The following PPM1H variants were observed in gnomAD, a reference collection of about 807,000 sequenced individuals.
PPM1H encodes the protein protein phosphatase 1H.
In PPM1H, 27 loss-of-function variants were observed where a neutral mutation model predicts 54.9. The ratio of observed to expected loss-of-function variants is 0.49; its 90% CI spans 0.36 to 0.68. PPM1H has a LOEUF of 0.68. Ranked by LOEUF, PPM1H falls within the 30% of genes least tolerant of loss-of-function variation. The probability of loss-of-function intolerance (pLI) is 0.00; values close to 1 mark genes in which losing one functional copy is unlikely to be tolerated. For synonymous variants in PPM1H, 305 were observed against 270.8 expected (o/e 1.13, Z -1.24); for missense variants, 596 against 667.8 (o/e 0.89, Z 1.19).
chr12:62,773,827 G>A (rs1188513888), intron 4 of PPM1H, among the ~76,000 whole-genome samples: 3 of 152,148 alleles, frequency 2.0e-5, no homozygotes, highest in Non-Finnish European at 2.9e-5. Flanking sequence ...CTTAGATTTC[G>A]GGAAACTGCT....
rs1592608310 is a variant in PPM1H, at chr12:62,804,897, G to A, written c.412-2737C>T. The stretch of plus-strand genomic sequence containing the variant: ...TCACCGTTTTAGCTGGGATGGTCTC[G>A]ATCTCCTGACCTCGTGATCCGCCCG... On this transcript the variant is annotated intron_variant, in intron 2 of 9. Coordinates refer to ENST00000228705, the MANE Select transcript of PPM1H (RefSeq NM_020700.2). Among the ~76,000 whole-genome samples, 10 of 151,652 alleles carry A rather than the reference G, an allele frequency of 6.6e-5. No individual in the cohort carries two copies. In the South Asian group the frequency reaches 2.1e-3, roughly 32 times the overall value.
chr12:62,919,144 C>T (rs1292971104), intron 1 of PPM1H, among the ~76,000 whole-genome samples: 5 of 152,144 alleles, frequency 3.3e-5, no homozygotes, highest in African/African-American at 9.7e-5. Flanking sequence ...TTGTGCCTCT[C>T]GGGCAACTTG....
intron 1 of PPM1H, among the ~76,000 whole-genome samples, chr12:62,875,296 C>G (rs539704328): frequency 6.6e-5 from 10 of 152,232 alleles, no homozygotes; most frequent in African/African-American, 1.9e-4. Flanking sequence ...CTAGGCAATT[C>G]CCCCCAAAAA....
chr12:62,715,596 C>T (rs1162641440), intron 6 of PPM1H, among the ~76,000 whole-genome samples: 1 of 152,082 alleles, frequency 6.6e-6, no homozygotes, highest in Non-Finnish European at 1.5e-5. Context: ...AAAGGATCCC[C>T]ATTAAGAGGC....
At chr12:62,723,264 C>A (rs2076273001) in intron 5 of PPM1H, among the ~76,000 whole-genome samples, 1 of 151,450 alleles carries the variant, frequency 6.6e-6, no homozygotes, top group Admixed American at 6.6e-5. Flanking sequence ...AGTATGATTT[C>A]TACCAAATGC....
At chr12:62,775,413 T>C (rs555508272) in intron 4 of PPM1H, among the ~76,000 whole-genome samples, 27 of 152,296 alleles carry the variant, frequency 1.8e-4, no homozygotes, top group Non-Finnish European at 3.7e-4. Context: ...CTTGTTTGTT[T>C]ATACACAGGA....
chr12:62,686,520 A>C (rs1438848168), intron 8 of PPM1H, among the ~76,000 whole-genome samples: 3 of 152,202 alleles, frequency 2.0e-5, no homozygotes, highest in Non-Finnish European at 4.4e-5. Flanking sequence ...ATTCAAAAAG[A>C]GAGTTGGAGG....
intron 4 of PPM1H, among the ~76,000 whole-genome samples, chr12:62,742,205 T>C (rs1021272653): frequency 6.6e-6 from 1 of 152,248 alleles, no homozygotes; most frequent in African/African-American, 2.4e-5. Context: ...AGTTTATTAC[T>C]TTCTTAAATA....
intron 1 of PPM1H, among the ~76,000 whole-genome samples, chr12:62,932,932 G>GCC (rs1396746110): frequency 6.6e-6 from 1 of 151,454 alleles, no homozygotes; most frequent in Non-Finnish European, 1.5e-5. Context: ...ACCGCGCCCG[G>GCC]CCTAAATGGG....
chr12:62,848,624 C>G (rs1191708492), intron 1 of PPM1H, among the ~76,000 whole-genome samples: 1 of 152,158 alleles, frequency 6.6e-6, no homozygotes, highest in East Asian at 1.9e-4. Context: ...GGTGGTGACA[C>G]TTTGGGTTTA....
chr12:62,867,879 G>A (rs1418275518), intron 1 of PPM1H, among the ~76,000 whole-genome samples: 2 of 152,096 alleles, frequency 1.3e-5, no homozygotes, highest in Non-Finnish European at 2.9e-5. Flanking sequence ...CCAAAAACCA[G>A]TGTTAGGAGC....
At chr12:62,769,889 GT>G (rs1319808958) in intron 4 of PPM1H, among the ~76,000 whole-genome samples, 1 of 152,154 alleles carries the variant, frequency 6.6e-6, no homozygotes, top group Non-Finnish European at 1.5e-5. Flanking sequence ...TAACCCACAT[GT>G]TGCAAGAGAA....
intron 6 of PPM1H, among the ~76,000 whole-genome samples, chr12:62,711,775 A>G (rs1215722495): frequency 1.3e-5 from 2 of 152,224 alleles, no homozygotes; most frequent in African/African-American, 4.8e-5. Context: ...GTGTGAGTGC[A>G]TTCATGCGTG....
chr12:62,789,471 G>T (rs1308014183), intron 3 of PPM1H, among the ~76,000 whole-genome samples: 3 of 152,182 alleles, frequency 2.0e-5, no homozygotes, highest in Non-Finnish European at 2.9e-5. Context: ...AATTATAAAT[G>T]ACTTATAATG....
chr12:62,763,182 G>A (rs2049277421), intron 4 of PPM1H, among the ~76,000 whole-genome samples: 1 of 152,144 alleles, frequency 6.6e-6, no homozygotes, highest in South Asian at 2.1e-4. Flanking sequence ...TCCATCCAAG[G>A]TCATCTCTTG....
At chr12:62,903,371 C>A (rs1871214693) in intron 1 of PPM1H, among the ~76,000 whole-genome samples, 2 of 152,206 alleles carry the variant, frequency 1.3e-5, no homozygotes, top group African/African-American at 4.8e-5. Context: ...AAGTCAAGCA[C>A]ATGCACCGTC....
chr12:62,731,162 T>C (rs1197750949), intron 5 of PPM1H, among the ~76,000 whole-genome samples: 1 of 152,158 alleles, frequency 6.6e-6, no homozygotes, highest in Non-Finnish European at 1.5e-5. Context: ...CAGAAAAAAA[T>C]GCCACAATAG....
rs1243528524 is a variant in PPM1H at position 62,830,824 on chromosome 12, C to T, written c.411+1290G>A. On this transcript the variant is annotated intron_variant, in intron 2 of 9. Coordinates refer to ENST00000228705, the MANE Select transcript of PPM1H (RefSeq NM_020700.2). The stretch of plus-strand genomic sequence containing the variant: ...AAAATAAATCAATACTTATCAATCC[C>T]TGAGCATAGACGCAATGAAACACTA... Among the ~76,000 whole-genome samples, 2 of 152,140 alleles carry T rather than the reference C, an allele frequency of 1.3e-5. 1 individual carries two copies. Among genetic ancestry groups the T allele is most frequent in the South Asian group, 4.1e-4 (2 of 4,826 alleles).
chr12:62,906,318 A>G (rs552464160), intron 1 of PPM1H, among the ~76,000 whole-genome samples: 1 of 152,342 alleles, frequency 6.6e-6, no homozygotes, highest in African/African-American at 2.4e-5. Flanking sequence ...CCACCATGGC[A>G]TTGGTATTTT....
Sources: allele counts gnomAD v4.1 joint callset (sites outside exome capture counted in the v4.1 genomes callset), GRCh38; gene constraint gnomAD v4.1.1; transcripts MANE v1.5; gene names NCBI Gene and HGNC (gene_info 2026-07-23, HGNC 2026-07-21).